Variants in CTDNEP1 observed in about 807,000 individuals in gnomAD.
CTDNEP1 encodes the protein CTD nuclear envelope phosphatase 1, also known as C-terminal domain nuclear envelope phosphatase 1.
In CTDNEP1, 3 loss-of-function variants were observed where a neutral mutation model predicts 30.1. The observed-to-expected ratio is 0.10, with a 90% CI of 0.05 to 0.26. The LOEUF is 0.26. Among genes scored for constraint, CTDNEP1 ranks in the 10% least tolerant of loss-of-function variants. CTDNEP1 has a pLI of 1.00. For synonymous variants in CTDNEP1, 123 were observed against 118.8 expected (o/e 1.04, Z -0.23); for missense variants, 158 against 310.4 (o/e 0.51, Z 3.69).
chr17:7,246,257 T>C lies in CTDNEP1; in HGVS notation c.474A>G (p.Arg158=), dbSNP rs753463844. The change falls in exon 5 of 8, where the codon AGA becomes AGG. Residue 158 remains arginine, a synonymous_variant. Transcript: ENST00000574322. The surrounding 1 kb of genome is among the most constrained non-coding windows in gnomAD (Gnocchi z 4.9). ...TTAGACTGGGATTCTAGCTTACCTGTCTGTAATATCTCCTCTTAAGAATGC... is the reference window on the plus strand; with the variant it reads ...TTAGACTGGGATTCTAGCTTACCTGCCTGTAATATCTCCTCTTAAGAATGC... ...SRSILKRRYY[R]QHCTLELGSY... The C allele has an allele frequency of 3.7e-6, 6 of 1,609,818 alleles. No individual in the cohort carries two copies. Among genetic ancestry groups the C allele is most frequent in the South Asian group, 3.3e-5 (3 of 90,990 alleles).
At chr17:7,244,669 A>T (rs778710208) in intron 6 of CTDNEP1, 34 bp from the exon 7 acceptor site, 1 of 1,444,016 alleles carries the variant, frequency 6.9e-7, no homozygotes, top group Non-Finnish European at 9.4e-7. Context: ...GAGAAGAAAC[A>T]GAATTCAAGA....
Position 7,246,146 on chromosome 17 carries a change from C to T in CTDNEP1, c.478-9G>A, listed in dbSNP as rs1597573475. 2.5e-6 allele frequency: 4 copies of T among 1,609,520 alleles called. No individual in the cohort carries two copies. The East Asian group carries it at 8.9e-5, about 36-fold the overall frequency. On this transcript the variant is annotated splice_polypyrimidine_tract_variant and intron_variant, in intron 5 of 7. Transcript: ENST00000574322. This position sits in a 1 kb window ranked among gnomAD's most constrained non-coding sequence, Gnocchi z 4.9. ...AACTCCAAAGTGCAGTGCTGGAAGG[C>T]AGGGGATCATGTAGCAGGCCTCTCT...
intron 1 of CTDNEP1, among the ~76,000 whole-genome samples, chr17:7,247,812 GT>G (rs2071863027): frequency 6.6e-6 from 1 of 151,880 alleles, no homozygotes; most frequent in Admixed American, 6.6e-5. Context: ...TGTTATACCT[GT>G]TTTAAGGTTA....
chr17:7,249,059 G>A (rs964166488), intron 1 of CTDNEP1, among the ~76,000 whole-genome samples: 12 of 152,182 alleles, frequency 7.9e-5, no homozygotes, highest in Non-Finnish European at 1.3e-4. Flanking sequence ...GGGTCTGGAG[G>A]AGGCCAGAGT....
intron 1 of CTDNEP1, among the ~76,000 whole-genome samples, chr17:7,248,085 A>T (rs1597574749): frequency 6.6e-6 from 1 of 150,504 alleles, no homozygotes; most frequent in African/African-American, 2.4e-5. Flanking sequence ...ACATGGTGAA[A>T]CCCCGTCTCT....
chr17:7,243,728 G>C lies in CTDNEP1; in HGVS notation c.*457C>G, dbSNP rs1453039731. ...GGGGGACAAATTTAGGGAAAATCCA[G>C]TGGCCCAAAATCCCAGTATCCCACC... On this transcript the variant is annotated 3_prime_UTR_variant, in exon 8 of 8. Transcript: ENST00000574322. 1.8e-5 allele frequency: 3 copies of C among 168,268 alleles called. No homozygotes were observed. The highest frequency in any genetic ancestry group is 2.9e-4 in the South Asian group (2 of 6,892). The allele number at this position is 168,268 out of a possible 1,614,324, so 10.4% of individuals were successfully genotyped here. A position where few individuals can be genotyped will look rare whatever the true frequency, so the allele number is the denominator to read the frequency against.
At chr17:7,245,294 AAAAAAAT>A (rs973901727) in intron 6 of CTDNEP1, among the ~76,000 whole-genome samples, 3 of 151,484 alleles carry the variant, frequency 2.0e-5, no homozygotes, top group African/African-American at 7.3e-5. Context: ...TCTGTCTCAA[AAAAAAAT>A]AAAAAATAAA....
At position 7,251,318 on chromosome 17, in the gene CTDNEP1, G is replaced by A. The variant is rs541971497; in HGVS notation, c.-22C>T. 20 of 1,476,484 alleles carry A rather than the reference G, an allele frequency of 1.4e-5. No individual in the cohort carries two copies. In the African/African-American group the frequency reaches 2.3e-4, roughly 17 times the overall value. 91.5% of individuals were successfully genotyped at this position (1,476,484 alleles called of 1,614,324 possible). On this transcript the variant is annotated 5_prime_UTR_variant, in exon 1 of 8. Transcript: ENST00000574322. ...TCATCCCGATGACCCCGGCACCGCC[G>A]GCCCCGGGGCCCCCGCGGCCCAGCT...
At position 7,246,630 on chromosome 17, in the gene CTDNEP1, C is replaced by G; in HGVS notation, c.360+161G>C. On this transcript the variant is annotated intron_variant, in intron 4 of 7. Coordinates refer to ENST00000574322, the MANE Select transcript of CTDNEP1 (RefSeq NM_001143775.2). The surrounding 1 kb of genome is among the most constrained non-coding windows in gnomAD (Gnocchi z 4.9). ...GAATTACATCAGCACAACAAATGAA[C>G]CCCAAGTACTGAAAGCCACTCCCCT... The G allele has an allele frequency of 1.4e-6, 1 of 693,304 alleles. No homozygotes were observed. The highest frequency in any genetic ancestry group is 2.6e-6 in the Non-Finnish European group (1 of 388,822). 42.9% of individuals were successfully genotyped at this position (693,304 alleles called of 1,614,324 possible).
chr17:7,246,418 CT>C lies in CTDNEP1; in HGVS notation c.361-49del. Reference sequence around the variant, plus strand: ...GCGATGCCATACAAGGTGATGATTCCTTTAGACATACAGTTATCTTTCAGAA... The same window carrying C: ...GCGATGCCATACAAGGTGATGATTCCTTAGACATACAGTTATCTTTCAGAA... On this transcript the variant is annotated intron_variant, in intron 4 of 7. Transcript: ENST00000574322. The surrounding 1 kb of genome is among the most constrained non-coding windows in gnomAD (Gnocchi z 4.9). 7.6e-7 allele frequency: 1 copy of C among 1,308,868 alleles called. No homozygotes were observed. The allele number at this position is 1,308,868 out of a possible 1,614,324, so 81.1% of individuals were successfully genotyped here.
At position 7,251,282 on chromosome 17, in the gene CTDNEP1, C is replaced by T. The variant is rs751097849; in HGVS notation, c.15G>A (p.Gln5=). The T allele has an allele frequency of 1.5e-5, 24 of 1,586,482 alleles. No individual in the cohort carries two copies. The East Asian group carries it at 5.5e-4, about 36-fold the overall frequency. Residue 5 remains glutamine, a synonymous_variant, in exon 1 of 8, where the codon CAG becomes CAA. Coordinates refer to ENST00000574322, the MANE Select transcript of CTDNEP1 (RefSeq NM_001143775.2). The stretch of plus-strand genomic sequence containing the variant: ...CGAACGTGCGCAGCCCCAGCAGACA[C>T]TGCGTCCGCATCATCCCGATGACCC... MMRT[Q]CLLGLRTFVA...
chr17:7,247,170 C>T lies in CTDNEP1; in HGVS notation c.182G>A (p.Arg61Lys). The T allele has an allele frequency of 6.2e-7, 1 of 1,613,718 alleles. No individual in the cohort carries two copies. The change falls in exon 3 of 8, where the codon AGG becomes AAG. Residue 61 changes from arginine to lysine, a missense_variant. Physicochemically the swap from Arg to Lys is conservative, Grantham distance 26. Transcript: ENST00000574322. ...ATCCAGATCCAGCACCAGGATCTTC[C>T]TCTTCACCTGGGCTGAACCAGAGTG... is the stretch of plus-strand genomic sequence containing the variant. ...VSRNRLAQVK[R>K]KILVLDLDET... is the part of the protein sequence containing the mutation.
chr17:7,243,964 T>A lies in CTDNEP1; in HGVS notation c.*221A>T, dbSNP rs929764675. On this transcript the variant is annotated 3_prime_UTR_variant, in exon 8 of 8. Coordinates refer to ENST00000574322, the MANE Select transcript of CTDNEP1 (RefSeq NM_001143775.2). ...CCTGTGTCCCAGTCTGGGGTTTCCA[T>A]GGAGTGTGAACACGAAGTTAAGAGT... 7.3e-7 allele frequency: 1 copy of A among 1,379,026 alleles called. No individual in the cohort carries two copies. The highest frequency in any genetic ancestry group is 3.0e-5 in the Admixed American group (1 of 32,902). 85.4% of individuals were successfully genotyped at this position (1,379,026 alleles called of 1,614,324 possible).
chr17:7,244,903 A>G (rs2071816783), intron 6 of CTDNEP1: 1 of 357,330 alleles, frequency 2.8e-6, no homozygotes, highest in Non-Finnish European at 5.1e-6. Flanking sequence ...CACACCTGTT[A>G]TCCCAACACT....
intron 6 of CTDNEP1, 52 bp from the exon 7 acceptor site, chr17:7,244,687 T>C (rs1291325455): frequency 7.5e-7 from 1 of 1,339,106 alleles, no homozygotes; most frequent in Non-Finnish European, 1.0e-6. Flanking sequence ...AGAGAGACGG[T>C]GTTTTTCTCT....
chr17:7,245,856 A>G (rs1192686131), intron 6 of CTDNEP1, among the ~76,000 whole-genome samples, 170 bp downstream of exon 6: 1 of 152,200 alleles, frequency 6.6e-6, no homozygotes, highest in Non-Finnish European at 1.5e-5. Flanking sequence ...TGAAATGGAC[A>G]TATATGGTAT....
intron 1 of CTDNEP1, 56 bp downstream of exon 1, chr17:7,251,139 G>C (rs1466327224): frequency 7.7e-7 from 1 of 1,305,000 alleles, no homozygotes; most frequent in Non-Finnish European, 1.1e-6. Context: ...ACCACGGACA[G>C]ATGTCCCCAA....
rs1567587192 is a variant in CTDNEP1, at chr17:7,246,884, TG to T, written c.289-23del. The T allele has an allele frequency of 6.2e-6, 10 of 1,608,902 alleles. No homozygotes were observed. Among genetic ancestry groups the T allele is most frequent in the Non-Finnish European group, 5.1e-6 (6 of 1,175,486 alleles). On this transcript the variant is annotated intron_variant, in intron 3 of 7. Coordinates refer to ENST00000574322, the MANE Select transcript of CTDNEP1 (RefSeq NM_001143775.2). This position sits in a 1 kb window ranked among gnomAD's most constrained non-coding sequence, Gnocchi z 4.9. Reference sequence around the variant, plus strand: ...CCACCTACAGAGGAACAAGATGGGCTGGGGGATGTCATGACCACCACAACCC... The same window carrying T: ...CCACCTACAGAGGAACAAGATGGGCTGGGGATGTCATGACCACCACAACCC...
rs537614350 is a variant in CTDNEP1 at position 7,246,140 on chromosome 17, G to A, written c.478-3C>T. 8.3e-5 allele frequency: 133 copies of A among 1,610,298 alleles called. 5 individuals carry two copies. The South Asian group carries it at 1.4e-3, about 17-fold the overall frequency. On this transcript the variant is annotated splice_region_variant and splice_polypyrimidine_tract_variant and intron_variant, in intron 5 of 7. Transcript: ENST00000574322. The surrounding 1 kb of genome is among the most constrained non-coding windows in gnomAD (Gnocchi z 4.9). ...CTGCCCAACTCCAAAGTGCAGTGCT[G>A]GAAGGCAGGGGATCATGTAGCAGGC...
Sources: gnomAD v4.1 joint callset for allele counts (sites outside exome capture counted in the v4.1 genomes callset) on GRCh38, gnomAD v4.1.1 for gene constraint, Gnocchi (gnomAD v3.1) non-coding constraint, MANE v1.5 for transcripts, NCBI Gene and HGNC (gene_info 2026-07-23, HGNC 2026-07-21) for gene names.